Variants in ERC1 observed in about 807,000 individuals in gnomAD.
ERC1 encodes the protein ELKS/RAB6-interacting/CAST family member 1, also known as RAB6 interacting protein 2.
ERC1 carries 56 observed loss-of-function variants against 132.0 expected under a neutral mutation model. That is an observed-to-expected ratio of 0.42 (90% CI 0.34 to 0.53). ERC1 has a LOEUF of 0.53. Ranked by LOEUF, ERC1 falls within the 20% of genes least tolerant of loss-of-function variation. The pLI is 0.03. For missense variants in ERC1, 1,202 were observed against 1,349.9 expected, an observed-to-expected ratio of 0.89 and a Z score of 1.72; for synonymous variants, 478 against 476.1, an observed-to-expected ratio of 1.00 and a Z score of -0.05.
chr12:1,337,320 T>C (rs1051895711), intron 15 of ERC1, among the ~76,000 whole-genome samples: 2 of 152,102 alleles, frequency 1.3e-5, no homozygotes, highest in Non-Finnish European at 2.9e-5. Flanking sequence ...TTTTCTTTTT[T>C]TTTTTTAATC....
chr12:1,279,436 A>G (rs2078509005), intron 14 of ERC1, among the ~76,000 whole-genome samples: 1 of 152,148 alleles, frequency 6.6e-6, no homozygotes, highest in African/African-American at 2.4e-5. Context: ...TTTTTGACAA[A>G]GTAGTACATG....
chr12:1,194,118 ATGTTTAAAATACTTAGAGT>A, intron 12 of ERC1, among the ~76,000 whole-genome samples: 1 of 152,186 alleles, frequency 6.6e-6, no homozygotes, highest in Non-Finnish European at 1.5e-5. Context: ...CTTTGCTATC[ATGTTTAAAATACTTAGAGT>A]GGCTGGGTGC....
At chr12:1,009,276 G>A (rs575087872) in intron 1 of ERC1, among the ~76,000 whole-genome samples, 1 of 151,752 alleles carries the variant, frequency 6.6e-6, no homozygotes, top group East Asian at 1.9e-4. Flanking sequence ...CCGGGTTCAC[G>A]CCATTCTCCT....
chr12:1,397,658 A>G (rs1464317272), intron 16 of ERC1, among the ~76,000 whole-genome samples: 1 of 152,222 alleles, frequency 6.6e-6, no homozygotes, highest in Non-Finnish European at 1.5e-5. Flanking sequence ...CAATTGAAAG[A>G]CAAATCAAAA....
chr12:1,184,488 A>G (rs1257916872), intron 11 of ERC1, among the ~76,000 whole-genome samples: 1 of 152,166 alleles, frequency 6.6e-6, no homozygotes, highest in Non-Finnish European at 1.5e-5. Flanking sequence ...CTGTATTATT[A>G]GTGTTCTAAT....
chr12:1,352,173 A>C (rs1034577150), intron 15 of ERC1, among the ~76,000 whole-genome samples: 3 of 151,890 alleles, frequency 2.0e-5, no homozygotes, highest in African/African-American at 7.3e-5. Flanking sequence ...TCATCATATC[A>C]CCCTGTTCCT....
chr12:1,043,233 CAG>C (rs1212504974), intron 2 of ERC1, among the ~76,000 whole-genome samples: 2 of 151,896 alleles, frequency 1.3e-5, no homozygotes, highest in Non-Finnish European at 2.9e-5. Flanking sequence ...TTAGTAGAGA[CAG>C]GGTTTCACCA....
At chr12:1,313,118 G>A (rs2081430070) in intron 15 of ERC1, among the ~76,000 whole-genome samples, 1 of 151,944 alleles carries the variant, frequency 6.6e-6, no homozygotes. Context: ...TTTCTTTTCC[G>A]CTATCCTTAG....
chr12:1,125,811 G>A (rs1034715233), intron 7 of ERC1, among the ~76,000 whole-genome samples: 5 of 152,156 alleles, frequency 3.3e-5, no homozygotes, highest in Non-Finnish European at 2.9e-5. Context: ...GCGAGACTCC[G>A]TCTCAAAACA....
At chr12:1,221,796 A>G (rs1413364184) in intron 12 of ERC1, among the ~76,000 whole-genome samples, 1 of 152,182 alleles carries the variant, frequency 6.6e-6, no homozygotes, top group Non-Finnish European at 1.5e-5. Flanking sequence ...TTTTATGTTA[A>G]CTGTGAGTGG....
At chr12:1,486,564 A>T (rs1371031023) in intron 18 of ERC1, among the ~76,000 whole-genome samples, 1 of 152,128 alleles carries the variant, frequency 6.6e-6, no homozygotes, top group African/African-American at 2.4e-5. Context: ...AGCTGGGACT[A>T]CAGGCACGTG....
At chr12:1,406,024 T>TG (rs1315136528) in intron 16 of ERC1, among the ~76,000 whole-genome samples, 2 of 152,166 alleles carry the variant, frequency 1.3e-5, no homozygotes, top group East Asian at 3.8e-4. Context: ...TTTAATGACA[T>TG]GAAAAAATGG....
intron 18 of ERC1, among the ~76,000 whole-genome samples, chr12:1,483,815 G>A (rs1210328295): frequency 2.0e-5 from 3 of 150,824 alleles, no homozygotes; most frequent in South Asian, 2.1e-4. Context: ...TTAGCCTCCC[G>A]AGTACCTGGG....
chr12:1,091,576 A>G (rs993108162), intron 3 of ERC1, among the ~76,000 whole-genome samples: 1 of 152,220 alleles, frequency 6.6e-6, no homozygotes, highest in African/African-American at 2.4e-5. Context: ...GACACCAACC[A>G]TGCGCACAGC....
chr12:1,319,919 G>T (rs1269028668), intron 15 of ERC1, among the ~76,000 whole-genome samples: 1 of 152,080 alleles, frequency 6.6e-6, no homozygotes, highest in Non-Finnish European at 1.5e-5. Context: ...ATGCAGGGGG[G>T]CGGCTTCTTA....
chr12:1,420,030 G>A (rs12424471), intron 17 of ERC1, among the ~76,000 whole-genome samples: 7,561 of 152,026 alleles, frequency 0.05, 251 homozygotes, highest in East Asian at 0.094. Context: ...TTCTCTGCTT[G>A]GGAACCGGGC....
At chr12:1,264,525 G>A (rs6489274) in intron 14 of ERC1, among the ~76,000 whole-genome samples, 63,015 of 150,980 alleles carry the variant, frequency 0.42, 13,699 homozygotes, top group African/African-American at 0.55. Flanking sequence ...TTAGCTGGGC[G>A]TGGTGGCGGG....
chr12:991,584 C>G (rs954647455), intron 1 of ERC1: 1 of 151,964 alleles, frequency 6.6e-6, no homozygotes, highest in African/African-American at 2.4e-5. Context: ...CGGGCTCCAC[C>G]CAGCCGGGCT....
intron 2 of ERC1, among the ~76,000 whole-genome samples, chr12:1,029,744 C>CT (rs747890124): frequency 0.56 from 63,952 of 114,308 alleles, 22,327 homozygotes; most frequent in East Asian, 0.79. Context: ...GTTAAACATA[C>CT]TTTTTTTTTT....
Sources: allele counts gnomAD v4.1 joint callset (sites outside exome capture counted in the v4.1 genomes callset), GRCh38; gene constraint gnomAD v4.1.1; transcripts MANE v1.5; gene names NCBI Gene and HGNC (gene_info 2026-07-23, HGNC 2026-07-21).